Variants in KIAA0040 observed in about 807,000 individuals in gnomAD.
The protein encoded by KIAA0040 is uncharacterized protein KIAA0040.
In KIAA0040, 10 loss-of-function variants were observed where a neutral mutation model predicts 7.2. The ratio of observed to expected loss-of-function variants is 1.38; its 90% CI spans 0.85 to 2.34. The LOEUF (loss-of-function observed/expected upper bound fraction) is 2.34. Among genes scored for constraint, KIAA0040 ranks in the 30% most tolerant of loss-of-function variants. The pLI is 0.00. For synonymous variants in KIAA0040, 49 were observed against 40.1 expected, an observed-to-expected ratio of 1.22 and a Z score of -0.84; for missense variants, 89 against 108.2, an observed-to-expected ratio of 0.82 and a Z score of 0.79.
chr1:175,175,057 G>A (rs992739818), intron 2 of KIAA0040, among the ~76,000 whole-genome samples: 3 of 152,292 alleles, frequency 2.0e-5, no homozygotes, highest in South Asian at 4.1e-4. Context: ...GTTGAGTGGG[G>A]CGTTGCCTTT....
chr1:175,169,895 T>C (rs1427860682), intron 2 of KIAA0040, among the ~76,000 whole-genome samples: 4 of 152,196 alleles, frequency 2.6e-5, no homozygotes, highest in Non-Finnish European at 5.9e-5. Context: ...TTTCCCTTTT[T>C]TCCCTCCCTC....
At chr1:175,185,331 T>C (rs192632925) in intron 1 of KIAA0040, among the ~76,000 whole-genome samples, 1 of 152,182 alleles carries the variant, frequency 6.6e-6, no homozygotes, top group Non-Finnish European at 1.5e-5. Flanking sequence ...TGCTTAATGT[T>C]ATCCCCAGCA....
intron 2 of KIAA0040, among the ~76,000 whole-genome samples, chr1:175,175,512 C>A (rs1230750976): frequency 6.6e-6 from 1 of 150,972 alleles, no homozygotes; most frequent in Non-Finnish European, 1.5e-5. Flanking sequence ...TTGACCCAGC[C>A]ATCCCATTAC....
chr1:175,184,599 T>C (rs1677582615), intron 1 of KIAA0040, among the ~76,000 whole-genome samples: 1 of 152,218 alleles, frequency 6.6e-6, no homozygotes, highest in Non-Finnish European at 1.5e-5. Context: ...TGGGCATTCC[T>C]TCTACAGAAG....
chr1:175,189,797 G>T (rs940552256), intron 1 of KIAA0040, among the ~76,000 whole-genome samples: 4 of 152,000 alleles, frequency 2.6e-5, no homozygotes, highest in African/African-American at 9.7e-5. Flanking sequence ...TCTAACCATT[G>T]CCCTGGTGAG....
chr1:175,171,415 T>A (rs1357145891), intron 2 of KIAA0040, among the ~76,000 whole-genome samples: 1 of 152,180 alleles, frequency 6.6e-6, no homozygotes, highest in Non-Finnish European at 1.5e-5. Flanking sequence ...AATGAATGAA[T>A]GAATGAGTGA....
rs1487515784 is a variant in KIAA0040 at position 175,192,666 on chromosome 1, C to A, written c.-410G>T. 3 of 152,226 alleles carry A rather than the reference C, an allele frequency of 2.0e-5. No individual in the cohort carries two copies. Among genetic ancestry groups the A allele is most frequent in the Non-Finnish European group, 4.4e-5 (3 of 68,054 alleles). 9.4% of individuals were successfully genotyped at this position (152,226 alleles called of 1,614,324 possible). A position where few individuals can be genotyped will look rare whatever the true frequency, so the allele number is the denominator to read the frequency against. On this transcript the variant is annotated 5_prime_UTR_variant, in exon 1 of 4. Coordinates refer to ENST00000423313, the MANE Select transcript of KIAA0040 (RefSeq NM_014656.3). Reference sequence around the variant, plus strand: ...TTTCGGTCCGCGGAAGGGCTTCCTGCAGGCCCAGGGAATCTCCTGGTTGCT... The same window carrying A: ...TTTCGGTCCGCGGAAGGGCTTCCTGAAGGCCCAGGGAATCTCCTGGTTGCT...
intron 1 of KIAA0040, among the ~76,000 whole-genome samples, chr1:175,190,385 C>T (rs1395540291): frequency 6.6e-6 from 1 of 152,222 alleles, no homozygotes; most frequent in Admixed American, 6.5e-5. Flanking sequence ...TGCCTTCCAC[C>T]TCCACCTATG....
At chr1:175,172,818 T>C (rs1677039877) in intron 2 of KIAA0040, among the ~76,000 whole-genome samples, 2 of 152,232 alleles carry the variant, frequency 1.3e-5, no homozygotes, top group African/African-American at 4.8e-5. Flanking sequence ...AATGCATCGC[T>C]GGGCAGAGTA....
intron 1 of KIAA0040, among the ~76,000 whole-genome samples, chr1:175,179,786 C>A (rs754938502): frequency 6.6e-6 from 1 of 152,192 alleles, no homozygotes; most frequent in African/African-American, 2.4e-5. Flanking sequence ...CCCTATTTCA[C>A]AGATGAATAA....
At chr1:175,162,615 C>T (rs1378926055) in intron 3 of KIAA0040, among the ~76,000 whole-genome samples, 1 of 152,200 alleles carries the variant, frequency 6.6e-6, no homozygotes, top group Non-Finnish European at 1.5e-5. Context: ...TCAAGATCAG[C>T]TCAGGCTTCA....
intron 1 of KIAA0040, among the ~76,000 whole-genome samples, chr1:175,179,112 C>T (rs1677336447): frequency 6.6e-6 from 1 of 151,912 alleles, no homozygotes; most frequent in Non-Finnish European, 1.5e-5. Context: ...AGCAGAGGTA[C>T]AGAGGCCAAC....
intron 1 of KIAA0040, among the ~76,000 whole-genome samples, chr1:175,191,431 G>C (rs1313573614): frequency 6.6e-6 from 1 of 152,190 alleles, no homozygotes; most frequent in Non-Finnish European, 1.5e-5. Context: ...TCTGGGATGG[G>C]GACAGAGAGG....
chr1:175,164,144 G>C (rs1396712422), intron 3 of KIAA0040, among the ~76,000 whole-genome samples: 1 of 152,142 alleles, frequency 6.6e-6, no homozygotes, highest in Non-Finnish European at 1.5e-5. Flanking sequence ...TTTATTTGGA[G>C]GCTTTACAAC....
intron 1 of KIAA0040, among the ~76,000 whole-genome samples, chr1:175,188,180 T>C (rs915221547): frequency 5.9e-5 from 9 of 152,168 alleles, no homozygotes; most frequent in Non-Finnish European, 1.2e-4. Flanking sequence ...GGGTGGGGAT[T>C]GGGTTTGGAT....
At chr1:175,165,012 C>T (rs1010845306) in intron 3 of KIAA0040, among the ~76,000 whole-genome samples, 1 of 152,222 alleles carries the variant, frequency 6.6e-6, no homozygotes, top group South Asian at 2.1e-4. Flanking sequence ...AGGTGCCAAC[C>T]AACCTCATCT....
intron 1 of KIAA0040, among the ~76,000 whole-genome samples, chr1:175,188,617 T>A (rs1233085601): frequency 6.6e-6 from 1 of 152,222 alleles, no homozygotes; most frequent in East Asian, 1.9e-4. Context: ...GAAACACTCT[T>A]CCTGACAAGT....
chr1:175,170,735 T>C (rs1038913188), intron 2 of KIAA0040, among the ~76,000 whole-genome samples: 2 of 152,148 alleles, frequency 1.3e-5, no homozygotes, highest in African/African-American at 4.8e-5. Context: ...TTGCTGTCTC[T>C]CACCTGGGTT....
chr1:175,171,061 T>C (rs146345679), intron 2 of KIAA0040, among the ~76,000 whole-genome samples: 133 of 152,342 alleles, frequency 8.7e-4, no homozygotes, highest in African/African-American at 3.0e-3. Flanking sequence ...CTTTGCCTGG[T>C]ATGGTTTTCC....
Sources: allele counts gnomAD v4.1 joint callset (sites outside exome capture counted in the v4.1 genomes callset), GRCh38; gene constraint gnomAD v4.1.1; transcripts MANE v1.5; gene names NCBI Gene and HGNC (gene_info 2026-07-23, HGNC 2026-07-21).